The following LIFR variants were observed in gnomAD, a reference collection of about 807,000 sequenced individuals.
LIFR encodes the protein LIF receptor subunit alpha, also known as leukemia inhibitory factor receptor.
A neutral mutation model predicts 122.2 loss-of-function variants in LIFR; 84 were observed. The observed-to-expected ratio is 0.69, with a 90% CI of 0.58 to 0.82. The LOEUF (loss-of-function observed/expected upper bound fraction) is 0.82. Among genes scored for constraint, LIFR ranks in the 40% least tolerant of loss-of-function variants. The probability of loss-of-function intolerance (pLI) is 0.00; values close to 1 mark genes in which losing one functional copy is unlikely to be tolerated. For synonymous variants in LIFR, 422 were observed against 434.7 expected (o/e 0.97, Z 0.36); for missense variants, 1,294 against 1,311.6 (o/e 0.99, Z 0.21).
At position 38,530,956 on chromosome 5, in the gene LIFR, AACTCT is replaced by A. The variant is rs148357855; in HGVS notation, c.-19-295_-19-291del. ...ACAAAATTATAAGCACATGGCTATCAACTCTACTCCAACTCTACTAAAATGTAGAA... is the reference window on the plus strand; with the variant it reads ...ACAAAATTATAAGCACATGGCTATCAACTCCAACTCTACTAAAATGTAGAA... On this transcript the variant is annotated intron_variant, in intron 1 of 19. Transcript: ENST00000453190. 1,621 of 307,260 alleles carry A rather than the reference AACTCT, an allele frequency of 5.3e-3. 24 individuals carry two copies. Among genetic ancestry groups the A allele is most frequent in the African/African-American group, 0.03 (1,399 of 46,732 alleles). The allele number at this position is 307,260 out of a possible 1,614,324, so 19.0% of individuals were successfully genotyped here.
At chr5:38,503,934 T>C in intron 10 of LIFR, 42 bp downstream of exon 10, 2 of 1,379,278 alleles carry the variant, frequency 1.5e-6, no homozygotes, top group Non-Finnish European at 2.1e-6. Flanking sequence ...AGAACTATTT[T>C]ATCCAAAATA....
chr5:38,537,874 T>C (rs1243269215), intron 1 of LIFR, among the ~76,000 whole-genome samples: 1 of 152,214 alleles, frequency 6.6e-6, no homozygotes, highest in Non-Finnish European at 1.5e-5. Context: ...CTCTGTTACA[T>C]ACATAGCAAA....
At chr5:38,526,390 T>C (rs958689846) in intron 4 of LIFR, among the ~76,000 whole-genome samples, 3 of 151,544 alleles carry the variant, frequency 2.0e-5, no homozygotes, top group African/African-American at 7.3e-5. Context: ...TTTTTCATGC[T>C]TACACATGGT....
upstream of LIFR, among the ~76,000 whole-genome samples, chr5:38,599,325 C>A (rs1750180965): frequency 1.3e-5 from 2 of 152,176 alleles, no homozygotes; most frequent in Admixed American, 1.3e-4. Flanking sequence ...AGAGTGACCC[C>A]AAACTGGACT....
chr5:38,592,187 A>G (rs1055731073), intron 1 of LIFR, among the ~76,000 whole-genome samples: 2 of 152,184 alleles, frequency 1.3e-5, no homozygotes, highest in Admixed American at 1.3e-4. Context: ...ATGGCCTTGT[A>G]GTTTTTGCCA....
intron 1 of LIFR, among the ~76,000 whole-genome samples, chr5:38,583,749 AC>A (rs2112746177): frequency 6.6e-6 from 1 of 152,296 alleles, no homozygotes; most frequent in East Asian, 1.9e-4. Context: ...CTGTGTCCCC[AC>A]CCAAATCTCA....
chr5:38,494,887 G>A (rs975419528), intron 13 of LIFR, among the ~76,000 whole-genome samples: 5 of 152,162 alleles, frequency 3.3e-5, no homozygotes, highest in Admixed American at 6.5e-5. Flanking sequence ...TGTAACAGGA[G>A]AAAGTAACTA....
At position 38,505,412 on chromosome 5, in the gene LIFR, AC is replaced by A. The variant is rs1561153450; in HGVS notation, c.1291+492del. Among the ~76,000 whole-genome samples the A allele has an allele frequency of 6.3e-3, 872 of 137,734 alleles. 12 individuals are homozygous for A. Among genetic ancestry groups the A allele is most frequent in the African/African-American group, 0.021 (822 of 39,324 alleles). 90.4% of individuals were successfully genotyped at this position (137,734 alleles called of 152,430 possible). A position where few individuals can be genotyped will look rare whatever the true frequency, so the allele number is the denominator to read the frequency against. On this transcript the variant is annotated intron_variant, in intron 9 of 19. Transcript: ENST00000453190. The stretch of plus-strand genomic sequence containing the variant: ...AAATTGCATAGAACTACACACACAC[AC>A]ACACACACACACACACACACACACA...
chr5:38,523,815 T>C (rs1262763281), intron 4 of LIFR, among the ~76,000 whole-genome samples: 2 of 152,006 alleles, frequency 1.3e-5, no homozygotes, highest in Non-Finnish European at 2.9e-5. Flanking sequence ...ATCAAAGAAA[T>C]GAAGGGTTGG....
At chr5:38,499,644 G>T in intron 11 of LIFR, 61 bp from the exon 12 acceptor site, 1 of 1,159,068 alleles carries the variant, frequency 8.6e-7, no homozygotes, top group Non-Finnish European at 1.3e-6. Context: ...ATGGTGCTTG[G>T]CATTTTTTTT....
At chr5:38,557,135 C>G (rs900469324), upstream of LIFR, 1 of 152,238 alleles carries the variant, frequency 6.6e-6, no homozygotes, top group African/African-American at 2.4e-5. Flanking sequence ...TGCGAATTAC[C>G]TAAACAGCCC....
At chr5:38,582,970 T>G (rs1038327680) in intron 1 of LIFR, among the ~76,000 whole-genome samples, 1 of 152,250 alleles carries the variant, frequency 6.6e-6, no homozygotes, top group Admixed American at 6.5e-5. Flanking sequence ...GTGTAACTTT[T>G]TATCATTGTG....
Position 38,506,543 on chromosome 5 carries a change from A to G in LIFR, c.1081T>C (p.Leu361=), listed in dbSNP as rs1248307591. ...CSWNPGRVTA[L]VGPRATSYTL... ...TAGCTTGTAGCACGTGGGCCCACCAACGCTGTCACCCTTCCTGGATTCCAA... is the reference window on the plus strand; with the variant it reads ...TAGCTTGTAGCACGTGGGCCCACCAGCGCTGTCACCCTTCCTGGATTCCAA... The change falls in exon 8 of 20, where the codon TTG becomes CTG. Residue 361 remains leucine (L), a synonymous_variant. Coordinates refer to ENST00000453190, the MANE Select transcript of LIFR (RefSeq NM_001127671.2). The G allele has an allele frequency of 2.2e-5, 36 of 1,613,952 alleles. No homozygotes were observed. The highest frequency in any genetic ancestry group is 3.1e-5 in the Non-Finnish European group (36 of 1,179,984).
chr5:38,554,441 C>T (rs544583900), intron 1 of LIFR, among the ~76,000 whole-genome samples: 1 of 152,326 alleles, frequency 6.6e-6, no homozygotes, highest in Non-Finnish European at 1.5e-5. Context: ...TAATGCTTTA[C>T]AATTTCATAG....
chr5:38,569,037 G>A (rs920798938), intron 1 of LIFR, among the ~76,000 whole-genome samples: 9 of 152,184 alleles, frequency 5.9e-5, no homozygotes, highest in African/African-American at 1.4e-4. Flanking sequence ...GACCTTGGCC[G>A]AAGGCCCTCT....
intron 1 of LIFR, among the ~76,000 whole-genome samples, chr5:38,581,066 C>A (rs1393920676): frequency 6.6e-6 from 1 of 152,100 alleles, no homozygotes; most frequent in East Asian, 1.9e-4. Context: ...CAATGTCTAC[C>A]CCAGGGGGTG....
chr5:38,504,415 CA>C (rs71604899), intron 9 of LIFR, among the ~76,000 whole-genome samples: 39 of 120,402 alleles, frequency 3.2e-4, no homozygotes, highest in Non-Finnish European at 4.6e-4. Context: ...AGGGAATGAC[CA>C]AAAAAAAAAA....
upstream of LIFR, chr5:38,558,293 G>C (rs1391520672): frequency 6.6e-6 from 1 of 152,048 alleles, no homozygotes; most frequent in Admixed American, 6.6e-5. Context: ...TGTTGCCTGG[G>C]GTTGAAAAAT....
At chr5:38,514,628 A>G (rs986081365) in intron 5 of LIFR, among the ~76,000 whole-genome samples, 86 of 152,236 alleles carry the variant, frequency 5.6e-4, no homozygotes, top group African/African-American at 2.0e-3. Flanking sequence ...TATTATAGAT[A>G]GCAGAGAATA....
Sources: allele counts gnomAD v4.1 joint callset (sites outside exome capture counted in the v4.1 genomes callset), GRCh38; gene constraint gnomAD v4.1.1; transcripts MANE v1.5; gene names NCBI Gene and HGNC (gene_info 2026-07-23, HGNC 2026-07-21).